SMAD4: variants seen among roughly 807,000 people sequenced by gnomAD.
The protein encoded by SMAD4 is MAD homolog 4.
In SMAD4, 7 loss-of-function variants were observed where a neutral mutation model predicts 63.2. That is an observed-to-expected ratio of 0.11 (90% CI 0.06 to 0.21). SMAD4 has a LOEUF of 0.21. Ranked by LOEUF, SMAD4 falls within the 10% of genes least tolerant of loss-of-function variation. The probability of loss-of-function intolerance (pLI) is 1.00; values close to 1 mark genes in which losing one functional copy is unlikely to be tolerated. For missense variants in SMAD4, 312 were observed against 693.8 expected, an observed-to-expected ratio of 0.45 and a Z score of 6.18; for synonymous variants, 215 against 235.4, an observed-to-expected ratio of 0.91 and a Z score of 0.79.
intron 5 of SMAD4, 143 bp from the exon 6 acceptor site, chr18:51,057,982 C>G: frequency 1.1e-6 from 1 of 921,368 alleles, no homozygotes. Flanking sequence ...AGGTTTTTTA[C>G]CTGATAGGCC....
At chr18:51,034,831 C>T (rs1909158064) in intron 1 of SMAD4, among the ~76,000 whole-genome samples, 1 of 152,186 alleles carries the variant, frequency 6.6e-6, no homozygotes, top group Non-Finnish European at 1.5e-5. Flanking sequence ...AAGGCATGAG[C>T]CACCACGCCT....
At chr18:51,047,761 A>G (rs544721008) in intron 2 of SMAD4, among the ~76,000 whole-genome samples, 50 of 152,218 alleles carry the variant, frequency 3.3e-4, no homozygotes, top group African/African-American at 1.1e-3. Context: ...GGCAAGTGCA[A>G]CCATGCCTGG....
intron 10 of SMAD4, among the ~76,000 whole-genome samples, chr18:51,070,821 G>A (rs534952371): frequency 2.5e-4 from 38 of 152,222 alleles, no homozygotes; most frequent in Admixed American, 1.8e-3. Flanking sequence ...GTCTCACAGT[G>A]CTTGTCATCC....
chr18:51,058,195 A>G lies in SMAD4; in HGVS notation c.738A>G (p.Pro246=), dbSNP rs2144427309. Reference sequence around the variant, plus strand: ...TGCAGATAGCATCAGGGCCTCAGCCAGGACAGCAGCAGAATGGATTTACTG... The same window carrying G: ...TGCAGATAGCATCAGGGCCTCAGCCGGGACAGCAGCAGAATGGATTTACTG... ...GLLQIASGPQ[P]GQQQNGFTGQ... Residue 246 remains proline, a synonymous_variant, in exon 6 of 12, where the codon CCA becomes CCG. Transcript: ENST00000342988. The G allele has an allele frequency of 1.2e-6, 2 of 1,614,240 alleles. No homozygotes were observed. Among genetic ancestry groups the G allele is most frequent in the Non-Finnish European group, 1.7e-6 (2 of 1,180,036 alleles).
chr18:51,036,736 GT>G (rs1909217492), intron 1 of SMAD4, among the ~76,000 whole-genome samples: 1 of 152,202 alleles, frequency 6.6e-6, no homozygotes, highest in Non-Finnish European at 1.5e-5. Flanking sequence ...CTTCCAGAGT[GT>G]TTTTTAAAGG....
intron 2 of SMAD4, 61 bp from the exon 3 acceptor site, chr18:51,048,625 G>T: frequency 7.0e-7 from 1 of 1,421,976 alleles, no homozygotes; most frequent in Non-Finnish European, 9.9e-7. Flanking sequence ...GATTAAATCA[G>T]AATATATAAA....
chr18:51,049,272 G>A, intron 3 of SMAD4, 23 bp from the exon 4 acceptor site: 1 of 1,525,488 alleles, frequency 6.6e-7, no homozygotes, highest in Non-Finnish European at 9.1e-7. Flanking sequence ...TGTTTCATTT[G>A]TTTTCCCCTT....
intron 8 of SMAD4, among the ~76,000 whole-genome samples, chr18:51,062,821 C>A (rs543645735): frequency 5.7e-4 from 83 of 146,760 alleles, no homozygotes; most frequent in Non-Finnish European, 1.1e-3. Context: ...TGAATACATC[C>A]CTAAACAGTC....
chr18:51,054,138 C>A, intron 4 of SMAD4: 1 of 153,418 alleles, frequency 6.5e-6, no homozygotes, highest in Admixed American at 6.4e-5. Context: ...TTTCTCACAC[C>A]ATATATTAAT....
chr18:51,035,724 T>A (rs1909183868), intron 1 of SMAD4, among the ~76,000 whole-genome samples: 1 of 152,228 alleles, frequency 6.6e-6, no homozygotes, highest in Non-Finnish European at 1.5e-5. Flanking sequence ...CTAGTACTTC[T>A]GTAGAGATCA....
At chr18:51,067,232 T>G in intron 10 of SMAD4, 45 bp downstream of exon 10, 3 of 1,108,508 alleles carry the variant, frequency 2.7e-6, no homozygotes, top group Non-Finnish European at 4.1e-6. Context: ...AAAGCTCTAT[T>G]TGTTGTCAAA....
At chr18:51,047,839 C>G (rs564524740) in intron 2 of SMAD4, among the ~76,000 whole-genome samples, 9 of 152,138 alleles carry the variant, frequency 5.9e-5, no homozygotes, top group Admixed American at 6.6e-5. Flanking sequence ...GAACCGCTGA[C>G]CTCAGGTGAT....
At chr18:51,035,259 A>G (rs1359484967) in intron 1 of SMAD4, among the ~76,000 whole-genome samples, 3 of 152,152 alleles carry the variant, frequency 2.0e-5, no homozygotes, top group Non-Finnish European at 4.4e-5. Context: ...ATTTCCCATG[A>G]TGAGAAGTTA....
chr18:51,039,687 A>G (rs1030358519), intron 1 of SMAD4, among the ~76,000 whole-genome samples: 14 of 152,230 alleles, frequency 9.2e-5, no homozygotes, highest in African/African-American at 3.1e-4. Context: ...GGAGAAATAC[A>G]TGCTGGTACA....
At chr18:51,062,786 A>G (rs1201657880) in intron 8 of SMAD4, among the ~76,000 whole-genome samples, 1 of 149,832 alleles carries the variant, frequency 6.7e-6, no homozygotes, top group African/African-American at 2.5e-5. Context: ...GGCATGAGCC[A>G]CCATGCCTGG....
chr18:51,082,180 T>G lies in SMAD4; in HGVS notation c.*3713T>G, dbSNP rs1910626364. Reference sequence around the variant, plus strand: ...ATTACCTCTAAAGCCAGTTAACAATTATTTTGTAGGTGGGGTACACTCAGC... The same window carrying G: ...ATTACCTCTAAAGCCAGTTAACAATGATTTTGTAGGTGGGGTACACTCAGC... On this transcript the variant is annotated 3_prime_UTR_variant, in exon 12 of 12. Transcript: ENST00000342988. The G allele has an allele frequency of 8.7e-6, 2 of 230,234 alleles. No individual in the cohort carries two copies. Among genetic ancestry groups the G allele is most frequent in the Non-Finnish European group, 1.7e-5 (2 of 116,254 alleles). The allele number at this position is 230,234 out of a possible 1,614,324, so 14.3% of individuals were successfully genotyped here.
intron 1 of SMAD4, among the ~76,000 whole-genome samples, chr18:51,034,182 G>C (rs949658240): frequency 6.6e-6 from 1 of 151,386 alleles, no homozygotes; most frequent in Non-Finnish European, 1.5e-5. Context: ...TTAGGGCAAC[G>C]GTCTTTTCTT....
intron 1 of SMAD4, among the ~76,000 whole-genome samples, chr18:51,038,125 T>C (rs1909258559): frequency 6.6e-6 from 1 of 151,942 alleles, no homozygotes; most frequent in African/African-American, 2.4e-5. Flanking sequence ...AAATTAGGTG[T>C]AGTGGCATGT....
chr18:51,069,626 G>C (rs1010595110), intron 10 of SMAD4, among the ~76,000 whole-genome samples: 1 of 152,150 alleles, frequency 6.6e-6, no homozygotes, highest in African/African-American at 2.4e-5. Context: ...GGAAGTAGGG[G>C]GACTTTGTCT....
Sources: allele counts gnomAD v4.1 joint callset (sites outside exome capture counted in the v4.1 genomes callset), GRCh38; gene constraint gnomAD v4.1.1; transcripts MANE v1.5; gene names NCBI Gene and HGNC (gene_info 2026-07-23, HGNC 2026-07-21).